Variants in SND1 observed in about 807,000 individuals in gnomAD.
SND1 encodes staphylococcal nuclease and tudor domain containing 1.
SND1 carries 38 observed loss-of-function variants against 121.7 expected under a neutral mutation model. The observed-to-expected ratio is 0.31, with a 90% CI of 0.24 to 0.41. The LOEUF (loss-of-function observed/expected upper bound fraction) is 0.41. Among genes scored for constraint, SND1 ranks in the 10% least tolerant of loss-of-function variants. SND1 has a pLI of 1.00. For missense variants in SND1, 868 were observed against 1,184.6 expected, an observed-to-expected ratio of 0.73 and a Z score of 3.92; for synonymous variants, 401 against 447.4, an observed-to-expected ratio of 0.90 and a Z score of 1.31.
chr7:127,958,888 C>A (rs1277277198), intron 15 of SND1, among the ~76,000 whole-genome samples: 1 of 152,144 alleles, frequency 6.6e-6, no homozygotes, highest in African/African-American at 2.4e-5. Context: ...GAAAGTGTCA[C>A]CTGAGATGAG....
At chr7:128,046,296 G>A (rs1792944486) in intron 16 of SND1, among the ~76,000 whole-genome samples, 1 of 149,882 alleles carries the variant, frequency 6.7e-6, no homozygotes, top group Non-Finnish European at 1.5e-5. Flanking sequence ...ATGGGATCCT[G>A]CTATGTTGCC....
intron 15 of SND1, among the ~76,000 whole-genome samples, chr7:127,944,694 T>C (rs1801288087): frequency 6.6e-6 from 1 of 152,198 alleles, no homozygotes; most frequent in South Asian, 2.1e-4. Context: ...AATTGAGCCC[T>C]GCATTGATTA....
At chr7:127,971,747 G>T (rs767696399) in intron 15 of SND1, among the ~76,000 whole-genome samples, 1 of 151,636 alleles carries the variant, frequency 6.6e-6, no homozygotes, top group Non-Finnish European at 1.5e-5. Context: ...TACACAAGTC[G>T]TAAGTATACA....
intron 16 of SND1, among the ~76,000 whole-genome samples, chr7:128,013,343 T>C (rs1206233924): frequency 6.6e-6 from 1 of 152,228 alleles, no homozygotes; most frequent in East Asian, 1.9e-4. Flanking sequence ...GTCTTTCATC[T>C]CCATCGTTCC....
At chr7:128,044,421 G>A in intron 16 of SND1, among the ~76,000 whole-genome samples, 1 of 152,220 alleles carries the variant, frequency 6.6e-6, no homozygotes, top group South Asian at 2.1e-4. Context: ...TAGGTAAGAT[G>A]AGCAGAAAAT....
At chr7:128,025,493 G>A (rs759042691) in intron 16 of SND1, among the ~76,000 whole-genome samples, 18 of 152,184 alleles carry the variant, frequency 1.2e-4, no homozygotes, top group Non-Finnish European at 2.4e-4. Flanking sequence ...ATCAGCAAGA[G>A]TCTTTACATC....
At chr7:127,924,034 A>G (rs898442787) in intron 14 of SND1, among the ~76,000 whole-genome samples, 1 of 150,058 alleles carries the variant, frequency 6.7e-6, no homozygotes, top group Non-Finnish European at 1.5e-5. Flanking sequence ...GGATTTTGCT[A>G]CTTTAGAGTT....
intron 15 of SND1, among the ~76,000 whole-genome samples, chr7:127,954,439 T>A (rs1801546886): frequency 6.6e-6 from 1 of 152,058 alleles, no homozygotes; most frequent in Non-Finnish European, 1.5e-5. Context: ...AAATAGTGGC[T>A]CCGATGGTCT....
chr7:127,681,120 G>A (rs1795718500), intron 1 of SND1, among the ~76,000 whole-genome samples: 1 of 152,074 alleles, frequency 6.6e-6, no homozygotes, highest in Non-Finnish European at 1.5e-5. Context: ...CACCCATAAT[G>A]TATGAGGGGT....
At chr7:128,004,038 CTTTT>C (rs34590935) in intron 16 of SND1, among the ~76,000 whole-genome samples, 6 of 131,042 alleles carry the variant, frequency 4.6e-5, no homozygotes, top group Middle Eastern at 4.0e-3. Flanking sequence ...AACTTACTTT[CTTTT>C]TTTTTTTTTT....
chr7:127,755,627 A>T (rs918985825), intron 10 of SND1, among the ~76,000 whole-genome samples: 1 of 152,196 alleles, frequency 6.6e-6, no homozygotes, highest in Admixed American at 6.5e-5. Flanking sequence ...GATAGGATGG[A>T]TGTGGAGTTT....
At position 128,071,625 on chromosome 7, in the gene SND1, A is replaced by G. The variant is rs78761389; in HGVS notation, c.1780-2877A>G. Reference sequence around the variant, plus strand: ...CAACCTGCTTAAACCTCTGCTTTCAATCTCCGTAATTCTCCCAGAGTTCAA... The same window carrying G: ...CAACCTGCTTAAACCTCTGCTTTCAGTCTCCGTAATTCTCCCAGAGTTCAA... On this transcript the variant is annotated intron_variant, in intron 16 of 23. Transcript: ENST00000354725. Among the ~76,000 whole-genome samples, 771 of 152,322 alleles carry G rather than the reference A, an allele frequency of 5.1e-3. 5 individuals are homozygous for G. Among genetic ancestry groups the G allele is most frequent in the African/African-American group, 0.018 (743 of 41,580 alleles).
chr7:127,904,696 C>G (rs1210620800), intron 13 of SND1, 51 bp from the exon 14 acceptor site: 10 of 1,283,260 alleles, frequency 7.8e-6, no homozygotes, highest in Non-Finnish European at 3.4e-6. Context: ...CCTCCTACCC[C>G]TTCCCATTGT....
At chr7:127,839,786 G>A (rs1167573406) in intron 11 of SND1, among the ~76,000 whole-genome samples, 2 of 152,148 alleles carry the variant, frequency 1.3e-5, no homozygotes, top group African/African-American at 4.8e-5. Flanking sequence ...TAAATAATAT[G>A]AGAAAGTATG....
intron 10 of SND1, among the ~76,000 whole-genome samples, chr7:127,764,284 T>C (rs1394641948): frequency 6.6e-6 from 1 of 152,226 alleles, no homozygotes; most frequent in Non-Finnish European, 1.5e-5. Flanking sequence ...ATAGGAGCTA[T>C]CACCTACCCT....
rs139881864 is a variant in SND1, at chr7:128,070,436, G to T, written c.1780-4066G>T. ...GAAGCCTGCTCCCAGCCTTCTAGCA[G>T]CCTGTGGTAGTCACCTAAGTCACCT... is the stretch of plus-strand genomic sequence containing the variant. On this transcript the variant is annotated intron_variant, in intron 16 of 23. Coordinates refer to ENST00000354725, the MANE Select transcript of SND1 (RefSeq NM_014390.4). Among the ~76,000 whole-genome samples the T allele has an allele frequency of 1.1e-4, 17 of 152,338 alleles. No individual in the cohort carries two copies. The East Asian group carries it at 3.1e-3, about 28-fold the overall frequency.
chr7:127,967,471 A>G (rs897864420), intron 15 of SND1, among the ~76,000 whole-genome samples: 1 of 152,180 alleles, frequency 6.6e-6, no homozygotes, highest in Non-Finnish European at 1.5e-5. Flanking sequence ...GGGAGCATGA[A>G]TAACTATGGC....
chr7:127,857,899 AG>A, intron 12 of SND1: 1 of 1,385,510 alleles, frequency 7.2e-7, no homozygotes, highest in Non-Finnish European at 1.0e-6. Context: ...CTGACCACGA[AG>A]GGGGTCCAGC....
At chr7:127,970,226 G>A (rs1325696540) in intron 15 of SND1, among the ~76,000 whole-genome samples, 1 of 152,102 alleles carries the variant, frequency 6.6e-6, no homozygotes, top group Middle Eastern at 3.2e-3. Flanking sequence ...GGATAAATCA[G>A]GTAACCTAAG....
Sources: gnomAD v4.1 joint callset for allele counts (sites outside exome capture counted in the v4.1 genomes callset) on GRCh38, gnomAD v4.1.1 for gene constraint, MANE v1.5 for transcripts, NCBI Gene and HGNC (gene_info 2026-07-23, HGNC 2026-07-21) for gene names.